The following ADGRF3 variants were observed in gnomAD, a reference collection of about 807,000 sequenced individuals.
ADGRF3 encodes adhesion G protein-coupled receptor F3.
ADGRF3 carries 85 observed loss-of-function variants against 93.2 expected under a neutral mutation model. That is an observed-to-expected ratio of 0.91 (90% confidence interval 0.77 to 1.09). The LOEUF (loss-of-function observed/expected upper bound fraction) is 1.09. Among genes scored for constraint, ADGRF3 ranks in the 50% least tolerant of loss-of-function variants. ADGRF3 has a pLI of 0.00. For missense variants in ADGRF3, 1,125 were observed against 1,246.2 expected (o/e 0.90, Z 1.46); for synonymous variants, 534 against 532.5 (o/e 1.00, Z -0.04).
Position 26,310,956 on chromosome 2 carries a change from C to T in ADGRF3, c.2568G>A (p.Gly856=). The T allele has an allele frequency of 1.2e-6, 2 of 1,613,784 alleles. No homozygotes were observed. Among genetic ancestry groups the T allele is most frequent in the African/African-American group, 1.3e-5 (1 of 75,044 alleles). The part of the protein sequence containing the change: ...EGECWLDGKG[G]ALYTFVGPVL... ...CTGGCCCCACGAAGGTGTATAACGC[C>T]CCTCCCTTCCCATCCAACCAGCATT... The change falls in exon 10 of 14, where the codon GGG becomes GGA. Residue 856 remains glycine, a synonymous_variant. Coordinates refer to ENST00000651242, the MANE Select transcript of ADGRF3 (RefSeq NM_001321971.2).
At position 26,311,531 on chromosome 2, in the gene ADGRF3, C is replaced by T. The variant is rs1674132161; in HGVS notation, c.1993G>A (p.Gly665Arg). 2 of 1,613,706 alleles carry T rather than the reference C, an allele frequency of 1.2e-6. No individual in the cohort carries two copies. Among genetic ancestry groups the T allele is most frequent in the African/African-American group, 2.7e-5 (2 of 74,944 alleles). Residue 665 changes from glycine (G) to arginine (R), a missense_variant, in exon 10 of 14, where the codon GGG becomes AGG. Gly to Arg is a moderately radical substitution (Grantham distance 125). Transcript: ENST00000651242. Reference sequence around the variant, plus strand: ...GCACTGGCCACCTGTGCCTGGCACCCTTCTTTGGACCAACCCCCCCTGCCC... The same window carrying T: ...GCACTGGCCACCTGTGCCTGGCACCTTTCTTTGGACCAACCCCCCCTGCCC... ...FQGRGGWSKE[G>R]CQAQVASASP...
Position 26,346,244 on chromosome 2 carries a change from C to T in ADGRF3, c.-10G>A, listed in dbSNP as rs771159028. ...GTTTTCGGGTCGTCATGGCTGGCTA[C>T]GAATACGTGAGCCCGGAGCAGCTGG... On this transcript the variant is annotated 5_prime_UTR_variant, in exon 1 of 14. Transcript: ENST00000651242. 3.1e-6 allele frequency: 5 copies of T among 1,613,496 alleles called. No homozygotes were observed. Among genetic ancestry groups the T allele is most frequent in the Non-Finnish European group, 4.2e-6 (5 of 1,179,634 alleles).
chr2:26,330,987 C>G lies in ADGRF3; in HGVS notation c.115-13425G>C, dbSNP rs183361349. Among the ~76,000 whole-genome samples the G allele has an allele frequency of 1.4e-4, 21 of 152,320 alleles. No individual in the cohort carries two copies. The East Asian group carries it at 3.9e-3, about 28-fold the overall frequency. On this transcript the variant is annotated intron_variant, in intron 1 of 13. Coordinates refer to ENST00000651242, the MANE Select transcript of ADGRF3 (RefSeq NM_001321971.2). ...CTCCATCTTTTCTAGAACTGGGCCC[C>G]TGCGTCTCACAATTTTGATATGTAT... is the stretch of plus-strand genomic sequence containing the variant.
intron 1 of ADGRF3, 115 bp downstream of exon 1, chr2:26,346,006 A>G (rs1676711062): frequency 8.9e-7 from 1 of 1,128,100 alleles, no homozygotes; most frequent in Non-Finnish European, 1.2e-6. Context: ...CGAGCGGGCT[A>G]GCAACCCCCC....
Position 26,335,678 on chromosome 2 carries a change from CTCTT to C in ADGRF3, c.114+10439_114+10442del, listed in dbSNP as rs535795409. On this transcript the variant is annotated intron_variant, in intron 1 of 13. Coordinates refer to ENST00000651242, the MANE Select transcript of ADGRF3 (RefSeq NM_001321971.2). The stretch of plus-strand genomic sequence containing the variant: ...CCCATTTTTTTACATTCACTTATTT[CTCTT>C]TCTAATAATGATGTATCTTACGACA... Among the ~76,000 whole-genome samples, 195 of 151,568 alleles carry C rather than the reference CTCTT, an allele frequency of 1.3e-3. 1 individual carries two copies. Among genetic ancestry groups the C allele is most frequent in the South Asian group, 2.3e-3 (11 of 4,796 alleles).
intron 1 of ADGRF3, among the ~76,000 whole-genome samples, chr2:26,328,236 C>T (rs1675551822): frequency 6.8e-6 from 1 of 147,946 alleles, no homozygotes; most frequent in African/African-American, 2.4e-5. Context: ...TATCATTTTT[C>T]CTTGGCTGCT....
intron 1 of ADGRF3, among the ~76,000 whole-genome samples, chr2:26,318,564 G>A (rs916580404): frequency 3.9e-5 from 6 of 152,262 alleles, no homozygotes; most frequent in Non-Finnish European, 5.9e-5. Context: ...GCTATCTATT[G>A]AGGAGAACAC....
intron 1 of ADGRF3, among the ~76,000 whole-genome samples, chr2:26,330,503 A>G (rs1014890561): frequency 1.6e-4 from 24 of 152,210 alleles, no homozygotes; most frequent in African/African-American, 5.8e-4. Flanking sequence ...ACAAAAAGCA[A>G]TGGAGGTTTG....
At chr2:26,338,820 T>C (rs1676200539) in intron 1 of ADGRF3, among the ~76,000 whole-genome samples, 1 of 152,038 alleles carries the variant, frequency 6.6e-6, no homozygotes, top group African/African-American at 2.4e-5. Flanking sequence ...GTACACAGTG[T>C]TCAATAAGGA....
intron 1 of ADGRF3, among the ~76,000 whole-genome samples, chr2:26,342,246 G>C (rs1052643610): frequency 6.6e-6 from 1 of 152,122 alleles, no homozygotes; most frequent in African/African-American, 2.4e-5. Context: ...CTATACAATT[G>C]GAACAGCCAT....
chr2:26,338,492 C>T (rs888364041), intron 1 of ADGRF3, among the ~76,000 whole-genome samples: 13 of 152,216 alleles, frequency 8.5e-5, no homozygotes, highest in Middle Eastern at 3.4e-3. Context: ...GACGGAGTTT[C>T]GCTCTTGTTG....
At chr2:26,327,279 T>G (rs1675484186) in intron 1 of ADGRF3, among the ~76,000 whole-genome samples, 1 of 152,198 alleles carries the variant, frequency 6.6e-6, no homozygotes, top group African/African-American at 2.4e-5. Flanking sequence ...CAAGGAAAAG[T>G]AAAACTAATG....
chr2:26,345,259 GTAGA>G (rs1676644012), intron 1 of ADGRF3, among the ~76,000 whole-genome samples: 1 of 151,106 alleles, frequency 6.6e-6, no homozygotes, highest in African/African-American at 2.4e-5. Flanking sequence ...AATTTTATTA[GTAGA>G]TACTCACTAG....
At chr2:26,317,187 C>A (rs1158701725) in intron 2 of ADGRF3, 132 bp from the exon 3 acceptor site, 5 of 956,054 alleles carry the variant, frequency 5.2e-6, no homozygotes. Flanking sequence ...TGTCCAGGTG[C>A]ATATAGACAG....
chr2:26,331,496 C>T (rs1033243018), intron 1 of ADGRF3, among the ~76,000 whole-genome samples: 1 of 152,124 alleles, frequency 6.6e-6, no homozygotes, highest in Non-Finnish European at 1.5e-5. Context: ...TTGCAGTGAG[C>T]CGAGATTGCA....
At chr2:26,325,634 G>A (rs1675395949) in intron 1 of ADGRF3, among the ~76,000 whole-genome samples, 1 of 152,172 alleles carries the variant, frequency 6.6e-6, no homozygotes, top group African/African-American at 2.4e-5. Context: ...CTTCACAAAA[G>A]TTTCATGCTG....
intron 1 of ADGRF3, among the ~76,000 whole-genome samples, chr2:26,323,111 C>T (rs1301167438): frequency 6.6e-6 from 1 of 152,118 alleles, no homozygotes; most frequent in African/African-American, 2.4e-5. Context: ...TGCACTCCAG[C>T]CTGGGCAACA....
At chr2:26,341,773 G>T (rs747748609) in intron 1 of ADGRF3, among the ~76,000 whole-genome samples, 1 of 151,938 alleles carries the variant, frequency 6.6e-6, no homozygotes, top group African/African-American at 2.4e-5. Flanking sequence ...GCTGGAATTT[G>T]ATTAAAAACT....
In ADGRF3 at chr2:26,314,413, C is replaced by T; in HGVS notation, c.928+1G>A. 1 of 1,611,806 alleles carries T rather than the reference C, an allele frequency of 6.2e-7. No individual in the cohort carries two copies. Among genetic ancestry groups the T allele is most frequent in the Non-Finnish European group, 8.5e-7 (1 of 1,178,798 alleles). ...CCCTGACTGCTGGCCCCTTCTCATA[C>T]CTTTGCTGCCCTCTCCAGGGCTCCA... is the stretch of plus-strand genomic sequence containing the variant. On this transcript the variant is annotated splice_donor_variant, in intron 6 of 13. Transcript: ENST00000651242. LOFTEE classifies it high-confidence loss of function.
Sources: gnomAD v4.1 joint callset for allele counts (sites outside exome capture counted in the v4.1 genomes callset) on GRCh38, gnomAD v4.1.1 for gene constraint, MANE v1.5 for transcripts, NCBI Gene and HGNC (gene_info 2026-07-23, HGNC 2026-07-21) for gene names.